Variants in AP3D1 observed in about 807,000 individuals in gnomAD.
The protein encoded by AP3D1 is adaptor related protein complex 3 subunit delta 1.
In AP3D1, 51 loss-of-function variants were observed where a neutral mutation model predicts 147.6. That is an observed-to-expected ratio of 0.35 (90% confidence interval 0.28 to 0.44). AP3D1 has a LOEUF of 0.44. Ranked by LOEUF, AP3D1 falls within the 20% of genes least tolerant of loss-of-function variation. AP3D1 has a pLI of 1.00. For missense variants in AP3D1, 1,421 were observed against 1,624.2 expected, an observed-to-expected ratio of 0.87 and a Z score of 2.15; for synonymous variants, 760 against 663.0, an observed-to-expected ratio of 1.15 and a Z score of -2.25.
At chr19:2,162,380 C>T (rs1419748376) in intron 1 of AP3D1, among the ~76,000 whole-genome samples, 4 of 148,134 alleles carry the variant, frequency 2.7e-5, no homozygotes, top group Admixed American at 1.3e-4. Flanking sequence ...GGTGCGGTGG[C>T]TGATGCCTAT....
intron 8 of AP3D1, among the ~76,000 whole-genome samples, chr19:2,128,636 T>TGG (rs1465752926): frequency 4.4e-4 from 3 of 6,750 alleles, no homozygotes; most frequent in African/African-American, 6.7e-4. Flanking sequence ...CCCCCGCCGC[T>TGG]CCGACACTGC....
Position 2,150,461 on chromosome 19 carries a change from C to A in AP3D1, c.96+778G>T, listed in dbSNP as rs182305609. ...AACGATCCCCACGGTTGTAATTTTA[C>A]TTCTGGAAAACTATTTCCTCGCCCT... On this transcript the variant is annotated intron_variant, in intron 1 of 31. Coordinates refer to ENST00000643116, the MANE Select transcript of AP3D1 (RefSeq NM_001261826.3). Among the ~76,000 whole-genome samples the A allele has an allele frequency of 3.3e-5, 5 of 152,344 alleles. No homozygotes were observed. In the East Asian group the frequency reaches 9.6e-4, roughly 29 times the overall value.
In AP3D1 at chr19:2,118,775, C is replaced by A; in HGVS notation, c.1539G>T (p.Thr513=). 1.2e-6 allele frequency: 2 copies of A among 1,613,786 alleles called. No individual in the cohort carries two copies. Among genetic ancestry groups the A allele is most frequent in the Non-Finnish European group, 1.7e-6 (2 of 1,180,020 alleles). The part of the protein sequence containing the change: ...LEAMLRPRVT[T]LPGHIQAVYV... ...ACACGGCCTGGATGTGGCCTGGCAG[C>A]GTGGTGACTCTGGGCCGCAGCATGG... The change falls in exon 15 of 32, where the codon ACG becomes ACT. Residue 513 remains threonine (T), a synonymous_variant. Coordinates refer to ENST00000643116, the MANE Select transcript of AP3D1 (RefSeq NM_001261826.3).
intron 4 of AP3D1, among the ~76,000 whole-genome samples, chr19:2,135,272 A>C (rs1320895485): frequency 6.6e-6 from 1 of 151,872 alleles, no homozygotes. Context: ...ACAGTGGCTC[A>C]TGCCTGTAAT....
upstream of AP3D1, chr19:2,151,690 A>C (rs2019521598): frequency 6.6e-6 from 1 of 152,488 alleles, no homozygotes; most frequent in Admixed American, 6.5e-5. Context: ...GACGACAGGT[A>C]GTCCAATGGA....
At chr19:2,160,445 A>G (rs1180332761) in intron 1 of AP3D1, among the ~76,000 whole-genome samples, 4 of 152,174 alleles carry the variant, frequency 2.6e-5, no homozygotes, top group Middle Eastern at 3.4e-3. Context: ...AGGAGAATCG[A>G]ATCGCTTGAA....
At chr19:2,138,569 T>C (rs760224075) in intron 2 of AP3D1, 50 bp downstream of exon 2, 2 of 1,376,540 alleles carry the variant, frequency 1.5e-6, no homozygotes, top group African/African-American at 2.8e-5. Context: ...ACGTGCTGAG[T>C]GGAGAAGCAG....
intron 4 of AP3D1, among the ~76,000 whole-genome samples, chr19:2,136,052 G>A (rs185702902): frequency 7.3e-5 from 11 of 151,330 alleles, no homozygotes; most frequent in African/African-American, 2.2e-4. Context: ...GGCCCCTCCC[G>A]CTACACGGCC....
chr19:2,115,079 TCTC>T (rs2018402950), intron 20 of AP3D1, 137 bp downstream of exon 20: 3 of 937,054 alleles, frequency 3.2e-6, no homozygotes, highest in East Asian at 2.6e-5. Flanking sequence ...CAGAGAGGCC[TCTC>T]CTCCTATGCT....
rs1213744883 is a variant in AP3D1, at chr19:2,118,806, A to G, written c.1508T>C (p.Leu503Ser). ...GACTCTGGGCCGCAGCATGGCCTCC[A>G]AAGTGTGGTGTGGTTCCTGCAGATG... ...SEHLQEPHHTLEAMLRPRVTT... is the reference protein window; with the variant it reads ...SEHLQEPHHTSEAMLRPRVTT... Residue 503 changes from leucine (L) to serine (S), a missense_variant, in exon 15 of 32, where the codon TTG becomes TCG. Around this residue, in one of 6 missense-constraint regions of AP3D1, gnomAD observed 310 missense variants for 388.1 expected, o/e 0.80. Transcript: ENST00000643116. The G allele has an allele frequency of 1.2e-6, 2 of 1,613,614 alleles. No individual in the cohort carries two copies. Among genetic ancestry groups the G allele is most frequent in the Admixed American group, 1.7e-5 (1 of 60,006 alleles).
intron 9 of AP3D1, among the ~76,000 whole-genome samples, chr19:2,125,845 A>G (rs1044517315): frequency 6.6e-6 from 1 of 151,656 alleles, no homozygotes; most frequent in Non-Finnish European, 1.5e-5. Flanking sequence ...GAAAAAAAAA[A>G]ACAAAAGAGA....
Position 2,108,699 on chromosome 19 carries a change from G to C in AP3D1, c.3540C>G (p.Leu1180=). The change falls in exon 31 of 32, where the codon CTC becomes CTG. Residue 1180 remains leucine, a synonymous_variant. Coordinates refer to ENST00000643116, the MANE Select transcript of AP3D1 (RefSeq NM_001261826.3). ...SRSIQGHHVC[L]LVKKGENSVS... The stretch of plus-strand genomic sequence containing the variant: ...GCCCGAGGCTCACCTTTTTCACCAG[G>C]AGGCAGACATGGTGGCCCTGGATGG... 1 of 1,581,172 alleles carries C rather than the reference G, an allele frequency of 6.3e-7. No individual in the cohort carries two copies. Among genetic ancestry groups the C allele is most frequent in the Non-Finnish European group, 8.6e-7 (1 of 1,164,032 alleles).
At chr19:2,149,451 G>A (rs2019447592) in intron 1 of AP3D1, among the ~76,000 whole-genome samples, 1 of 151,590 alleles carries the variant, frequency 6.6e-6, no homozygotes. Flanking sequence ...GCTGGGGCAG[G>A]AGAATCGCTT....
chr19:2,108,717 C>G lies in AP3D1; in HGVS notation c.3522G>C (p.Gln1174His), dbSNP rs759312388. The G allele has an allele frequency of 1.1e-5, 17 of 1,584,036 alleles. No homozygotes were observed. The highest frequency in any genetic ancestry group is 1.5e-5 in the Non-Finnish European group (17 of 1,165,486). The change falls in exon 31 of 32, where the codon CAG becomes CAC. Residue 1174 changes from glutamine (Q) to histidine (H), a missense_variant. Coordinates refer to ENST00000643116, the MANE Select transcript of AP3D1 (RefSeq NM_001261826.3). ...TCACCAGGAGGCAGACATGGTGGCC[C>G]TGGATGGAGCGGCTGTACATGGAGG... ...SCASMYSRSI[Q>H]GHHVCLLVKK...
chr19:2,163,982 C>G (rs1471488155), intron 1 of AP3D1, among the ~76,000 whole-genome samples: 2 of 149,598 alleles, frequency 1.3e-5, no homozygotes, highest in Admixed American at 6.6e-5. Context: ...CTGGAGGCCC[C>G]GGGCCTGTGA....
At chr19:2,139,760 C>T (rs566693535) in intron 1 of AP3D1, among the ~76,000 whole-genome samples, 3 of 152,356 alleles carry the variant, frequency 2.0e-5, no homozygotes, top group East Asian at 1.9e-4. Context: ...CCAGCCCCTA[C>T]GTCGGGATGC....
intron 1 of AP3D1, among the ~76,000 whole-genome samples, chr19:2,161,504 A>G (rs569606480): frequency 1.3e-5 from 2 of 152,196 alleles, no homozygotes; most frequent in African/African-American, 4.8e-5. Context: ...TCCTTAGATA[A>G]AAGTTCTTTT....
intron 11 of AP3D1, among the ~76,000 whole-genome samples, chr19:2,122,747 C>G (rs1386030535): frequency 6.6e-6 from 1 of 152,170 alleles, no homozygotes; most frequent in Non-Finnish European, 1.5e-5. Flanking sequence ...GTTGGGGGTA[C>G]CTGAAACCTC....
At chr19:2,158,975 T>C (rs981756247) in intron 1 of AP3D1, among the ~76,000 whole-genome samples, 1 of 151,564 alleles carries the variant, frequency 6.6e-6, no homozygotes, top group Non-Finnish European at 1.5e-5. Flanking sequence ...TCAGATCTCT[T>C]TCACTGTCAA....
Sources: gnomAD v4.1 joint callset for allele counts (sites outside exome capture counted in the v4.1 genomes callset) on GRCh38, gnomAD v4.1.1 for gene constraint, gnomAD v4.1.1 regional missense constraint, MANE v1.5 for transcripts, NCBI Gene and HGNC (gene_info 2026-07-23, HGNC 2026-07-21) for gene names.